Variants in HTR1E observed in about 807,000 individuals in gnomAD.
HTR1E encodes 5-hydroxytryptamine receptor 1E.
A neutral mutation model predicts 3.4 loss-of-function variants in HTR1E; 3 were observed. That is an observed-to-expected ratio of 0.89 (90% confidence interval 0.41 to 2.31). HTR1E has a LOEUF of 2.31. Among genes scored for constraint, HTR1E ranks in the 30% most tolerant of loss-of-function variants. The pLI, the probability that HTR1E is intolerant of heterozygous loss-of-function variation, is 0.05. For synonymous variants in HTR1E, 170 were observed against 182.8 expected, an observed-to-expected ratio of 0.93 and a Z score of 0.56; for missense variants, 392 against 467.0, an observed-to-expected ratio of 0.84 and a Z score of 1.48.
At chr6:87,004,264 CAGTATTACCCCCCAGACAAAG>C (rs1768071439) in intron 1 of HTR1E, among the ~76,000 whole-genome samples, 1 of 152,034 alleles carries the variant, frequency 6.6e-6, no homozygotes, top group Non-Finnish European at 1.5e-5. Context: ...TCTGTGAAGC[CAGTATTACCCCCCAGACAAAG>C]ATATCAAAAA....
intron 1 of HTR1E, among the ~76,000 whole-genome samples, chr6:86,958,945 T>TAC (rs1229807440): frequency 2.4e-5 from 3 of 124,140 alleles, no homozygotes; most frequent in African/African-American, 1.2e-4. Context: ...CACGTGTGTG[T>TAC]GTGTGTGTGT....
chr6:86,938,929 C>G (rs1166037120), intron 1 of HTR1E, among the ~76,000 whole-genome samples: 1 of 152,206 alleles, frequency 6.6e-6, no homozygotes, highest in Non-Finnish European at 1.5e-5. Context: ...TAACCTTAAA[C>G]AGCCAGGATG....
chr6:87,008,573 T>A (rs1331093732), intron 1 of HTR1E, among the ~76,000 whole-genome samples: 1 of 152,192 alleles, frequency 6.6e-6, no homozygotes, highest in Admixed American at 6.5e-5. Context: ...GAACTGAGCA[T>A]GCCATGTACA....
At chr6:86,974,030 A>G (rs1040154376) in intron 1 of HTR1E, among the ~76,000 whole-genome samples, 2 of 151,628 alleles carry the variant, frequency 1.3e-5, no homozygotes, top group Non-Finnish European at 2.9e-5. Context: ...TCAAGTTCCC[A>G]TTCAAACATC....
intron 1 of HTR1E, among the ~76,000 whole-genome samples, chr6:86,959,167 CTT>C (rs1767369894): frequency 6.6e-6 from 1 of 152,042 alleles, no homozygotes; most frequent in Non-Finnish European, 1.5e-5. Flanking sequence ...TCTTTTTTCT[CTT>C]GAGGCCTTCA....
At chr6:86,939,882 A>G (rs537340745) in intron 1 of HTR1E, among the ~76,000 whole-genome samples, 62 of 152,334 alleles carry the variant, frequency 4.1e-4, no homozygotes, top group African/African-American at 1.3e-3. Context: ...ACTCAGCGTG[A>G]TGTCACCTTT....
chr6:87,016,498 A>C lies in HTR1E; in HGVS notation c.*66A>C. On this transcript the variant is annotated 3_prime_UTR_variant, in exon 2 of 2. Coordinates refer to ENST00000305344, the MANE Select transcript of HTR1E (RefSeq NM_000865.3). ...ATGAGTGGATGGGGGTAAGGGGTGC[A>C]ACTTATTAATTCTTGAACATACTTG... 1 of 1,345,008 alleles carries C rather than the reference A, an allele frequency of 7.4e-7. No individual in the cohort carries two copies. Among genetic ancestry groups the C allele is most frequent in the Non-Finnish European group, 1.0e-6 (1 of 978,414 alleles). The allele number at this position is 1,345,008 out of a possible 1,614,324, so 83.3% of individuals were successfully genotyped here. A position where few individuals can be genotyped will look rare whatever the true frequency, so the allele number is the denominator to read the frequency against.
intron 1 of HTR1E, among the ~76,000 whole-genome samples, chr6:86,959,804 T>G (rs1284044777): frequency 6.6e-6 from 1 of 152,194 alleles, no homozygotes; most frequent in African/African-American, 2.4e-5. Context: ...GATCACTTCA[T>G]GTTCAGCCAT....
intron 1 of HTR1E, among the ~76,000 whole-genome samples, chr6:86,958,969 TG>T (rs1767364183): frequency 6.7e-6 from 1 of 149,002 alleles, no homozygotes; most frequent in Non-Finnish European, 1.5e-5. Flanking sequence ...TGTGTGTGTG[TG>T]TGTGTGTGTG....
At chr6:87,005,341 T>C (rs1038303756) in intron 1 of HTR1E, among the ~76,000 whole-genome samples, 2 of 152,074 alleles carry the variant, frequency 1.3e-5, no homozygotes, top group Non-Finnish European at 2.9e-5. Context: ...TCAAGTTATA[T>C]TACAGAACTA....
At chr6:86,996,586 G>T (rs1767942488) in intron 1 of HTR1E, among the ~76,000 whole-genome samples, 1 of 151,912 alleles carries the variant, frequency 6.6e-6, no homozygotes, top group Non-Finnish European at 1.5e-5. Flanking sequence ...ATCATTACAG[G>T]CCTGCAAATA....
Position 87,016,176 on chromosome 6 carries a change from T to A in HTR1E, c.842T>A (p.Ile281Asn). The A allele has an allele frequency of 6.2e-7, 1 of 1,614,110 alleles. No homozygotes were observed. Among genetic ancestry groups the A allele is most frequent in the Non-Finnish European group, 8.5e-7 (1 of 1,180,012 alleles). The change falls in exon 2 of 2, where the codon ATC becomes AAC. Residue 281 changes from isoleucine to asparagine, a missense_variant. By Grantham distance (149) the Ile-to-Asn change is moderately radical. This residue lies in a region of HTR1E where 178 missense variants were observed against 164.9 expected (regional missense o/e 1.08). Coordinates refer to ENST00000305344, the MANE Select transcript of HTR1E (RefSeq NM_000865.3). ...GATCACCCAGGAGAACGTCAGCAGATCTCTAGCACCAGGGAACGGAAGGCA... is the reference window on the plus strand; with the variant it reads ...GATCACCCAGGAGAACGTCAGCAGAACTCTAGCACCAGGGAACGGAAGGCA... Reference protein sequence around the residue: ...DLDHPGERQQISSTRERKAAR... With the variant: ...DLDHPGERQQNSSTRERKAAR...
intron 1 of HTR1E, among the ~76,000 whole-genome samples, chr6:86,938,700 C>T (rs1013443545): frequency 6.6e-6 from 1 of 152,182 alleles, no homozygotes; most frequent in South Asian, 2.1e-4. Context: ...TCCTTCCTTG[C>T]CTCCTGCACC....
At chr6:86,957,405 T>C (rs1582259963) in intron 1 of HTR1E, among the ~76,000 whole-genome samples, 1 of 152,248 alleles carries the variant, frequency 6.6e-6, no homozygotes, top group Non-Finnish European at 1.5e-5. Flanking sequence ...CTTTGTACGA[T>C]AACCTCTATT....
At chr6:86,953,475 A>C (rs888140531) in intron 1 of HTR1E, among the ~76,000 whole-genome samples, 2 of 152,160 alleles carry the variant, frequency 1.3e-5, no homozygotes, top group Non-Finnish European at 2.9e-5. Flanking sequence ...AAGGGTCGGC[A>C]GGCTGTCAGC....
chr6:86,966,854 T>C (rs1230129958), intron 1 of HTR1E, among the ~76,000 whole-genome samples: 1 of 152,260 alleles, frequency 6.6e-6, no homozygotes, highest in Admixed American at 6.5e-5. Flanking sequence ...TGCATGGACA[T>C]ATTCTTAAAA....
intron 1 of HTR1E, among the ~76,000 whole-genome samples, chr6:86,953,598 A>G (rs1767278537): frequency 6.6e-6 from 1 of 152,214 alleles, no homozygotes; most frequent in African/African-American, 2.4e-5. Context: ...AGAAAGCAGC[A>G]AAGTCCTTGA....
intron 1 of HTR1E, among the ~76,000 whole-genome samples, chr6:86,966,191 T>C (rs55701031): frequency 0.16 from 23,853 of 151,898 alleles, 2,135 homozygotes; most frequent in East Asian, 0.29. Context: ...ATAATATTAC[T>C]AAGAAGAGGG....
chr6:87,009,459 T>C (rs1768168314), intron 1 of HTR1E, among the ~76,000 whole-genome samples: 3 of 152,082 alleles, frequency 2.0e-5, no homozygotes, highest in African/African-American at 7.2e-5. Context: ...CCATGTCTAC[T>C]TCTCTCCACA....
Sources: allele counts gnomAD v4.1 joint callset (sites outside exome capture counted in the v4.1 genomes callset), GRCh38; gene constraint gnomAD v4.1.1; regional missense constraint gnomAD v4.1.1; transcripts MANE v1.5; gene names NCBI Gene and HGNC (gene_info 2026-07-23, HGNC 2026-07-21).